Variants in BCAN observed in about 807,000 individuals in gnomAD.
BCAN encodes the protein brevican, also known as brevican core protein.
BCAN carries 51 observed loss-of-function variants against 92.4 expected under a neutral mutation model. That is an observed-to-expected ratio of 0.55 (90% CI 0.44 to 0.70). The LOEUF (loss-of-function observed/expected upper bound fraction) is 0.70, where lower values mean the gene tolerates loss of function less well. Ranked by LOEUF, BCAN falls within the 30% of genes least tolerant of loss-of-function variation. The pLI is 0.00. For synonymous variants in BCAN, 501 were observed against 505.2 expected (o/e 0.99, Z 0.11); for missense variants, 1,140 against 1,212.1 (o/e 0.94, Z 0.88).
rs930154221 is a variant in BCAN, at chr1:156,659,412, T to C, written c.*278T>C. ...TCTCCCTGGCAGCCATCTTGTCCCC[T>C]CTATTCCTCTAGGGAGCACTGTGCC... On this transcript the variant is annotated 3_prime_UTR_variant, in exon 14 of 14. Transcript: ENST00000329117. The C allele has an allele frequency of 6.4e-6, 3 of 465,862 alleles. No individual in the cohort carries two copies. Among genetic ancestry groups the C allele is most frequent in the Non-Finnish European group, 1.1e-5 (3 of 263,306 alleles). The allele number at this position is 465,862 out of a possible 1,614,324, so 28.9% of individuals were successfully genotyped here. A position where few individuals can be genotyped will look rare whatever the true frequency, so the allele number is the denominator to read the frequency against.
At chr1:156,649,110 T>TCCATG (rs553116966) in intron 6 of BCAN, among the ~76,000 whole-genome samples, 150 of 152,308 alleles carry the variant, frequency 9.8e-4, no homozygotes, top group Non-Finnish European at 1.9e-3. Context: ...CCACCAGTAG[T>TCCATG]CCATGCCTTG....
Position 156,659,506 on chromosome 1 carries a change from A to G in BCAN, c.*372A>G, listed in dbSNP as rs942769685. 6.6e-5 allele frequency: 15 copies of G among 226,348 alleles called. No homozygotes were observed. Among genetic ancestry groups the G allele is most frequent in the Admixed American group, 2.8e-4 (5 of 17,576 alleles). 14.0% of individuals were successfully genotyped at this position (226,348 alleles called of 1,614,324 possible). On this transcript the variant is annotated 3_prime_UTR_variant, in exon 14 of 14. Coordinates refer to ENST00000329117, the MANE Select transcript of BCAN (RefSeq NM_021948.5). ...GTGTCTGTAAAATCAACAGGAAATA[A>G]AACTGTGTATGAGCCCAGGCAAGTT...
In BCAN at chr1:156,646,670, G is replaced by GT. The variant is rs1268849123; in HGVS notation, c.92-131_92-130insT. 4 of 1,415,064 alleles carry GT rather than the reference G, an allele frequency of 2.8e-6. No homozygotes were observed. The African/African-American group carries it at 5.9e-5, about 21-fold the overall frequency. 87.7% of individuals were successfully genotyped at this position (1,415,064 alleles called of 1,614,324 possible). A position where few individuals can be genotyped will look rare whatever the true frequency, so the allele number is the denominator to read the frequency against. Reference sequence around the variant, plus strand: ...GCAGGACCCTGGCCCCTGGCCCCTGGCCCCTGGTCCTAGGGGGGCCGGGGA... The same window carrying GT: ...GCAGGACCCTGGCCCCTGGCCCCTGGTCCCCTGGTCCTAGGGGGGCCGGGGA... On this transcript the variant is annotated intron_variant, in intron 2 of 13. Transcript: ENST00000329117.
chr1:156,657,611 C>A, intron 10 of BCAN, 64 bp from the exon 11 acceptor site: 2 of 1,420,166 alleles, frequency 1.4e-6, no homozygotes, highest in Non-Finnish European at 1.9e-6. Flanking sequence ...GCAGACCGCC[C>A]GGGAGCGGGG....
At chr1:156,650,022 A>G in intron 6 of BCAN, 1 of 503,002 alleles carries the variant, frequency 2.0e-6, no homozygotes, top group Non-Finnish European at 4.0e-6. Context: ...CATTACTTCC[A>G]TTTGGACAGA....
At position 156,648,755 on chromosome 1, in the gene BCAN, C is replaced by T; in HGVS notation, c.957C>T (p.Ser319=). 6.2e-7 allele frequency: 1 copy of T among 1,612,342 alleles called. No homozygotes were observed. Among genetic ancestry groups the T allele is most frequent in the South Asian group, 1.1e-5 (1 of 91,004 alleles). The change falls in exon 6 of 14, where the codon AGC becomes AGT. Residue 319 remains serine, a synonymous_variant. Coordinates refer to ENST00000329117, the MANE Select transcript of BCAN (RefSeq NM_021948.5). The part of the protein sequence containing the change: ...GSVRYPIVTP[S]QRCGGGLPGV... The stretch of plus-strand genomic sequence containing the variant: ...TGCGCTACCCCATCGTCACACCCAG[C>T]CAGCGCTGTGGTGGGGGCTTGCCTG...
At chr1:156,649,470 A>G (rs1679091218) in intron 6 of BCAN, among the ~76,000 whole-genome samples, 1 of 152,102 alleles carries the variant, frequency 6.6e-6, no homozygotes, top group African/African-American at 2.4e-5. Flanking sequence ...TGGTGTGATC[A>G]TGGTTCATTG....
chr1:156,656,843 C>T, intron 9 of BCAN, 95 bp from the exon 10 acceptor site: 1 of 1,521,034 alleles, frequency 6.6e-7, no homozygotes, highest in South Asian at 1.3e-5. Context: ...TCCCGCCCCT[C>T]TCGGCCTGCG....
At position 156,646,116 on chromosome 1, in the gene BCAN, TAGC is replaced by T. The variant is rs765880202; in HGVS notation, c.65_67del (p.Ala22del). The T allele has an allele frequency of 6.2e-7, 1 of 1,613,898 alleles. No individual in the cohort carries two copies. The highest frequency in any genetic ancestry group is 8.5e-7 in the Non-Finnish European group (1 of 1,179,792). Reference sequence around the variant, plus strand: ...GTCCTGGCCCAGGCTCCTGCAGCTTTAGCAGATGTTCTGGAAGGAGACAGCTCA... The same window carrying T: ...GTCCTGGCCCAGGCTCCTGCAGCTTTAGATGTTCTGGAAGGAGACAGCTCA... On this transcript the variant is annotated inframe_deletion, in exon 2 of 14. Transcript: ENST00000329117.
In BCAN at chr1:156,646,032, A is replaced by T; in HGVS notation, c.-8-15A>T. ...AAGTCTAACCCCATCTTTCCTTCTC[A>T]TGTCCCTCTGTCAGCCTGCAGCATG... On this transcript the variant is annotated splice_polypyrimidine_tract_variant and intron_variant, in intron 1 of 13. Transcript: ENST00000329117. The T allele has an allele frequency of 6.2e-7, 1 of 1,604,120 alleles. No homozygotes were observed. Among genetic ancestry groups the T allele is most frequent in the Non-Finnish European group, 8.5e-7 (1 of 1,172,376 alleles).
In BCAN at chr1:156,647,120, T is replaced by C. The variant is rs573762871; in HGVS notation, c.411T>C (p.Cys137=). 6.3e-7 allele frequency: 1 copy of C among 1,590,206 alleles called. No individual in the cohort carries two copies. Among genetic ancestry groups the C allele is most frequent in the South Asian group, 1.1e-5 (1 of 89,974 alleles). The change falls in exon 3 of 14, where the codon TGT becomes TGC. Residue 137 remains cysteine, a synonymous_variant. Transcript: ENST00000329117. This position sits in a 1 kb window ranked among gnomAD's most constrained non-coding sequence, Gnocchi z 4.8. ...LRPNDSGIYR[C]EVQHGIDDSS... is the part of the protein sequence containing the mutation. ...CCAACGACTCAGGTATCTATCGCTGTGAGGTCCAGCACGGCATCGATGACA... is the reference window on the plus strand; with the variant it reads ...CCAACGACTCAGGTATCTATCGCTGCGAGGTCCAGCACGGCATCGATGACA...
At chr1:156,651,372 G>T (rs1679157905) in intron 6 of BCAN, 84 bp from the exon 7 acceptor site, 2 of 1,249,588 alleles carry the variant, frequency 1.6e-6, no homozygotes, top group South Asian at 1.4e-5. Flanking sequence ...TGAGAGAATT[G>T]AGAGAATTCC....
chr1:156,644,249 T>C (rs967608396), intron 1 of BCAN: 6 of 152,236 alleles, frequency 3.9e-5, no homozygotes, highest in African/African-American at 9.7e-5. Flanking sequence ...GTCCAGGGTG[T>C]TGGCCCCAAA....
intron 11 of BCAN, 39 bp downstream of exon 11, chr1:156,657,796 T>A: frequency 6.4e-7 from 1 of 1,558,796 alleles, no homozygotes; most frequent in Non-Finnish European, 8.8e-7. Context: ...CTAGCTCACT[T>A]CCTCTAAGCA....
chr1:156,656,251 T>C (rs924759156), intron 8 of BCAN, 31 bp from the exon 9 acceptor site: 5 of 1,421,144 alleles, frequency 3.5e-6, no homozygotes, highest in Non-Finnish European at 3.7e-6. Context: ...GCTGCCTCGC[T>C]CCCCCCGCCT....
chr1:156,657,782 C>T (rs1237282779), intron 11 of BCAN, 25 bp downstream of exon 11: 2 of 1,589,460 alleles, frequency 1.3e-6, no homozygotes, highest in Non-Finnish European at 1.7e-6. Context: ...TCGAACCCCG[C>T]CGTCTAGCTC....
rs1226334898 is a variant in BCAN at position 156,657,756 on chromosome 1, T to C, written c.2291T>C (p.Leu764Pro). Residue 764 changes from leucine to proline, a missense_variant and splice_region_variant, in exon 11 of 14, where the codon CTG becomes CCG. Around this residue, in one of 3 missense-constraint regions of BCAN, gnomAD observed 825 missense variants for 871.8 expected, o/e 0.95. Coordinates refer to ENST00000329117, the MANE Select transcript of BCAN (RefSeq NM_021948.5). ...TTCTTGTGGTCGGATGGCGTCCCCC[T>C]GGTGAGAGGCCCCAGTCGAACCCCG... is the stretch of plus-strand genomic sequence containing the variant. ...GDFLWSDGVP[L>P]LYENWNPGQP... 6.2e-6 allele frequency: 10 copies of C among 1,609,754 alleles called. No homozygotes were observed. Among genetic ancestry groups the C allele is most frequent in the Non-Finnish European group, 8.5e-6 (10 of 1,178,474 alleles).
chr1:156,658,156 T>C lies in BCAN; in HGVS notation c.2322T>C (p.Pro774=). 1.2e-6 allele frequency: 2 copies of C among 1,614,096 alleles called. No individual in the cohort carries two copies. The highest frequency in any genetic ancestry group is 1.7e-6 in the Non-Finnish European group (2 of 1,179,998). ...LLYENWNPGQ[P]DSYFLSGENC... ...ATGAGAACTGGAACCCTGGGCAGCC[T>C]GACAGCTACTTCCTGTCTGGAGAGA... Residue 774 remains proline, a synonymous_variant, in exon 12 of 14, where the codon CCT becomes CCC. Transcript: ENST00000329117. This position sits in a 1 kb window ranked among gnomAD's most constrained non-coding sequence, Gnocchi z 4.4.
chr1:156,653,446 ATCTCT>A (rs1477359817), intron 8 of BCAN: 46 of 990,232 alleles, frequency 4.6e-5, no homozygotes, highest in Non-Finnish European at 5.5e-5. Flanking sequence ...TTGGAAATAA[ATCTCT>A]ATTAAACCGC....
Sources: gnomAD v4.1 joint callset for allele counts (sites outside exome capture counted in the v4.1 genomes callset) on GRCh38, gnomAD v4.1.1 for gene constraint, gnomAD v4.1.1 regional missense constraint, Gnocchi (gnomAD v3.1) non-coding constraint, MANE v1.5 for transcripts, NCBI Gene and HGNC (gene_info 2026-07-23, HGNC 2026-07-21) for gene names.